DNMT1: variants seen among roughly 807,000 people sequenced by gnomAD.
The protein encoded by DNMT1 is DNA methyltransferase 1.
A neutral mutation model predicts 205.3 loss-of-function variants in DNMT1; 24 were observed. The ratio of observed to expected loss-of-function variants is 0.12; its 90% CI spans 0.08 to 0.16. The LOEUF is 0.16. Among genes scored for constraint, DNMT1 ranks in the 10% least tolerant of loss-of-function variants. DNMT1 has a pLI of 1.00. For missense variants in DNMT1, 1,293 were observed against 2,177.7 expected, an observed-to-expected ratio of 0.59 and a Z score of 8.09; for synonymous variants, 817 against 839.8, an observed-to-expected ratio of 0.97 and a Z score of 0.47.
At position 10,159,727 on chromosome 19, in the gene DNMT1, A is replaced by G; in HGVS notation, c.1211T>C (p.Ile404Thr). ...AAAGCCAGACTCGTTGGCATCAAAG[A>G]TGGACAGCTTCTCATTTGTCAGCAT... is the stretch of plus-strand genomic sequence containing the variant. Reference protein sequence around the residue: ...PQMLTNEKLSIFDANESGFES... With the variant: ...PQMLTNEKLSTFDANESGFES... The change falls in exon 17 of 41, where the codon ATC (isoleucine) becomes ACC (threonine). Residue 404 changes from isoleucine to threonine, a missense_variant. Around this residue, in one of 13 missense-constraint regions of DNMT1, gnomAD observed 120 missense variants for 315.9 expected, o/e 0.38. Coordinates refer to ENST00000359526, the MANE Select transcript of DNMT1 (RefSeq NM_001130823.3). This position sits in a 1 kb window ranked among gnomAD's most constrained non-coding sequence, Gnocchi z 5.0. 6.2e-7 allele frequency: 1 copy of G among 1,614,176 alleles called. No individual in the cohort carries two copies. The highest frequency in any genetic ancestry group is 8.5e-7 in the Non-Finnish European group (1 of 1,180,022).
chr19:10,141,980 G>A (rs1295953549), intron 30 of DNMT1, 48 bp downstream of exon 30: 1 of 1,604,638 alleles, frequency 6.2e-7, no homozygotes. Flanking sequence ...GACTCCTTCT[G>A]GCCAACTTTG....
chr19:10,193,499 G>C (rs755931431), intron 1 of DNMT1, among the ~76,000 whole-genome samples: 1 of 145,672 alleles, frequency 6.9e-6, no homozygotes, highest in Non-Finnish European at 1.5e-5. Flanking sequence ...GAGTAGTTGG[G>C]ACCACAGGCG....
At chr19:10,172,891 C>T (rs1264982505) in intron 9 of DNMT1, among the ~76,000 whole-genome samples, 199 bp downstream of exon 9, 5 of 152,066 alleles carry the variant, frequency 3.3e-5, no homozygotes, top group Non-Finnish European at 5.9e-5. Context: ...ATCACAATCT[C>T]ATAACCCACC....
At chr19:10,153,856 A>G (rs2038400436) in intron 22 of DNMT1, among the ~76,000 whole-genome samples, 2 of 152,180 alleles carry the variant, frequency 1.3e-5, no homozygotes, top group South Asian at 4.1e-4. Context: ...TCTTTGGGTC[A>G]TAGGACTAGG....
chr19:10,150,393 G>A (rs575251121), intron 24 of DNMT1, among the ~76,000 whole-genome samples: 32 of 152,148 alleles, frequency 2.1e-4, no homozygotes, highest in Non-Finnish European at 4.4e-4. Context: ...CCACCTCAGT[G>A]CAGCTCTCCC....
chr19:10,149,391 C>G, intron 26 of DNMT1, 62 bp downstream of exon 26: 1 of 1,544,640 alleles, frequency 6.5e-7, no homozygotes, highest in Non-Finnish European at 8.9e-7. Flanking sequence ...CAAAACAGAA[C>G]GCACGTCAGC....
In DNMT1 at chr19:10,194,904, G is replaced by C. The variant is rs1361828080; in HGVS notation, c.-5C>G. On this transcript the variant is annotated 5_prime_UTR_variant, in exon 1 of 41. Transcript: ENST00000359526. ...TGGGGCGGTACGCGCCGGCATCTCGGAGGCTTCAGCAGACGCGGCGGCGGC... is the reference window on the plus strand; with the variant it reads ...TGGGGCGGTACGCGCCGGCATCTCGCAGGCTTCAGCAGACGCGGCGGCGGC... 6.2e-7 allele frequency: 1 copy of C among 1,607,648 alleles called. No homozygotes were observed. Among genetic ancestry groups the C allele is most frequent in the Admixed American group, 1.7e-5 (1 of 59,502 alleles).
chr19:10,153,096 T>C (rs2038384101), intron 22 of DNMT1, among the ~76,000 whole-genome samples: 1 of 152,124 alleles, frequency 6.6e-6, no homozygotes. Flanking sequence ...TAGAACCATT[T>C]TGGAGAGCAA....
intron 1 of DNMT1, among the ~76,000 whole-genome samples, chr19:10,188,311 G>A (rs1413167810): frequency 2.0e-5 from 3 of 152,048 alleles, no homozygotes; most frequent in Non-Finnish European, 2.9e-5. Flanking sequence ...AGGCTGAAGC[G>A]GGTAGATCAC....
rs1299636375 is a variant in DNMT1 at position 10,151,144 on chromosome 19, C to T, written c.2265+254G>A. 6.6e-6 allele frequency among the ~76,000 whole-genome samples: 1 copy of T among 152,130 alleles called. No homozygotes were observed. Among genetic ancestry groups the T allele is most frequent in the Non-Finnish European group, 1.5e-5 (1 of 68,018 alleles). ...GCTATGAGGGCTCACCTGCCTGATG[C>T]CCCTAGAACTGTGTCAAATGCCCAT... On this transcript the variant is annotated intron_variant, in intron 24 of 40. Coordinates refer to ENST00000359526, the MANE Select transcript of DNMT1 (RefSeq NM_001130823.3). This position sits in a 1 kb window ranked among gnomAD's most constrained non-coding sequence, Gnocchi z 5.0.
In DNMT1 at chr19:10,162,678, C is replaced by T. The variant is rs748515801; in HGVS notation, c.997G>A (p.Glu333Lys). ...VNPQISDEKD[E>K]DEKEEKRRKT... ...AGTGAGACCTTTACCTTTTCATCCTCGTCTTTTTCATCAGAAATCTGTGGA... is the reference window on the plus strand; with the variant it reads ...AGTGAGACCTTTACCTTTTCATCCTTGTCTTTTTCATCAGAAATCTGTGGA... Residue 333 changes from glutamate (E) to lysine (K), a missense_variant, in exon 13 of 41, where the codon GAG (glutamate) becomes AAG (lysine). By Grantham distance (56) the Glu-to-Lys change is moderately conservative. Around this residue, in one of 13 missense-constraint regions of DNMT1, gnomAD observed 394 missense variants for 451.6 expected, o/e 0.87. Transcript: ENST00000359526. The T allele has an allele frequency of 3.7e-6, 6 of 1,611,848 alleles. No individual in the cohort carries two copies. The highest frequency in any genetic ancestry group is 2.2e-5 in the South Asian group (2 of 91,014).
chr19:10,133,601 A>C lies in DNMT1; in HGVS notation c.*66T>G. 1.3e-6 allele frequency: 2 copies of C among 1,545,262 alleles called. No homozygotes were observed. The highest frequency in any genetic ancestry group is 1.8e-6 in the Non-Finnish European group (2 of 1,136,670). On this transcript the variant is annotated 3_prime_UTR_variant, in exon 41 of 41. Coordinates refer to ENST00000359526, the MANE Select transcript of DNMT1 (RefSeq NM_001130823.3). The surrounding 1 kb of genome is among the most constrained non-coding windows in gnomAD (Gnocchi z 4.1). ...TGTGAACGGACAGATTGACATGTTAAAAACACAACATCAGTGCATGTTGGG... is the reference window on the plus strand; with the variant it reads ...TGTGAACGGACAGATTGACATGTTACAAACACAACATCAGTGCATGTTGGG...
chr19:10,163,164 G>A (rs1404247686), intron 12 of DNMT1, among the ~76,000 whole-genome samples, 162 bp downstream of exon 12: 1 of 151,896 alleles, frequency 6.6e-6, no homozygotes, highest in Non-Finnish European at 1.5e-5. Flanking sequence ...GTTCCACCAT[G>A]TTGGCCAGGC....
rs79856607 is a variant in DNMT1, at chr19:10,193,924, A to T, written c.80+896T>A. 5.8e-3 allele frequency among the ~76,000 whole-genome samples: 888 copies of T among 152,276 alleles called. 18 individuals carry two copies. The highest frequency in any genetic ancestry group is 0.034 in the East Asian group (177 of 5,190). On this transcript the variant is annotated intron_variant, in intron 1 of 40. Coordinates refer to ENST00000359526, the MANE Select transcript of DNMT1 (RefSeq NM_001130823.3). The stretch of plus-strand genomic sequence containing the variant: ...TGGCGTTCATGAACAAGGGGCTGGG[A>T]CCAGTGCTCCCACTGATCCTTGTGC...
Position 10,156,283 on chromosome 19 carries a change from G to C in DNMT1, c.1399+108C>G, listed in dbSNP as rs1378222676. On this transcript the variant is annotated intron_variant, in intron 18 of 40. Transcript: ENST00000359526. The surrounding 1 kb of genome is among the most constrained non-coding windows in gnomAD (Gnocchi z 4.2). ...GCTCGTCTCAAACTCCCGGGCTCAA[G>C]TGATCCTCTGGCCTCAGACCCCCAA... The C allele has an allele frequency of 2.2e-6, 2 of 892,770 alleles. No individual in the cohort carries two copies. Among genetic ancestry groups the C allele is most frequent in the Non-Finnish European group, 3.7e-6 (2 of 537,290 alleles). 55.3% of individuals were successfully genotyped at this position (892,770 alleles called of 1,614,324 possible). A position where few individuals can be genotyped will look rare whatever the true frequency, so the allele number is the denominator to read the frequency against.
chr19:10,156,431 A>G lies in DNMT1; in HGVS notation c.1359T>C (p.Gly453=). ...IEKNIELFFS[G]SAKPIYDDDP... ...CATCATCATAGATTGGTTTTGCTGAACCAGAAAAGAAGAGTTCGATATTCT... is the reference window on the plus strand; with the variant it reads ...CATCATCATAGATTGGTTTTGCTGAGCCAGAAAAGAAGAGTTCGATATTCT... Residue 453 remains glycine, a synonymous_variant, in exon 18 of 41, where the codon GGT becomes GGC. Coordinates refer to ENST00000359526, the MANE Select transcript of DNMT1 (RefSeq NM_001130823.3). This position sits in a 1 kb window ranked among gnomAD's most constrained non-coding sequence, Gnocchi z 4.2. 6.2e-7 allele frequency: 1 copy of G among 1,612,994 alleles called. No homozygotes were observed. Among genetic ancestry groups the G allele is most frequent in the East Asian group, 2.2e-5 (1 of 44,844 alleles).
intron 6 of DNMT1, among the ~76,000 whole-genome samples, 177 bp from the exon 7 acceptor site, chr19:10,175,795 A>C (rs1190839178): frequency 6.6e-6 from 1 of 152,190 alleles, no homozygotes; most frequent in African/African-American, 2.4e-5. Flanking sequence ...TCACGGGTCT[A>C]AACACCGATC....
chr19:10,139,929 G>A, intron 33 of DNMT1, 112 bp from the exon 34 acceptor site: 3 of 1,584,906 alleles, frequency 1.9e-6, no homozygotes, highest in South Asian at 1.1e-5. Context: ...CCTGGTGAGA[G>A]CTGAGCTGTG....
rs2038599386 is a variant in DNMT1, at chr19:10,162,719, T to A, written c.956A>T (p.Glu319Val). The change falls in exon 13 of 41, where the codon GAA (glutamate) becomes GTA (valine). Residue 319 changes from glutamate to valine, a missense_variant. Physicochemically the swap from Glu to Val is moderately radical, Grantham distance 121. Around this residue, in one of 13 missense-constraint regions of DNMT1, gnomAD observed 394 missense variants for 451.6 expected, o/e 0.87. Coordinates refer to ENST00000359526, the MANE Select transcript of DNMT1 (RefSeq NM_001130823.3). Reference sequence around the variant, plus strand: ...AATCTGTGGATTTACTTTTTCAGGTTCTTTTTCTTCGGGCCTCCGTTTGGC... The same window carrying A: ...AATCTGTGGATTTACTTTTTCAGGTACTTTTTCTTCGGGCCTCCGTTTGGC... ...LAAKRRPEEK[E>V]PEKVNPQISD... 6.2e-7 allele frequency: 1 copy of A among 1,613,980 alleles called. No individual in the cohort carries two copies. The highest frequency in any genetic ancestry group is 1.3e-5 in the African/African-American group (1 of 74,920).
Sources: allele counts gnomAD v4.1 joint callset (sites outside exome capture counted in the v4.1 genomes callset), GRCh38; gene constraint gnomAD v4.1.1; regional missense constraint gnomAD v4.1.1; non-coding constraint Gnocchi (gnomAD v3.1); transcripts MANE v1.5; gene names NCBI Gene and HGNC (gene_info 2026-07-23, HGNC 2026-07-21).